LDB2: variants seen among roughly 807,000 people sequenced by gnomAD.
LDB2 encodes the protein LIM domain binding 2, also known as LIM domain-binding protein 2.
A neutral mutation model predicts 44.3 loss-of-function variants in LDB2; 12 were observed. The observed-to-expected ratio is 0.27, with a 90% CI of 0.17 to 0.44. The LOEUF is 0.44. Among genes scored for constraint, LDB2 ranks in the 20% least tolerant of loss-of-function variants. The probability of loss-of-function intolerance (pLI) is 1.00; values close to 1 mark genes in which losing one functional copy is unlikely to be tolerated. For missense variants in LDB2, 344 were observed against 473.5 expected, an observed-to-expected ratio of 0.73 and a Z score of 2.54; for synonymous variants, 164 against 174.8, an observed-to-expected ratio of 0.94 and a Z score of 0.49.
intron 2 of LDB2, among the ~76,000 whole-genome samples, chr4:16,731,484 T>C (rs1760746335): frequency 6.6e-6 from 1 of 152,136 alleles, no homozygotes. Flanking sequence ...CCAGACAGCA[T>C]GCACGTGTGT....
At chr4:16,653,152 A>T (rs1160382897) in intron 2 of LDB2, among the ~76,000 whole-genome samples, 2 of 152,088 alleles carry the variant, frequency 1.3e-5, no homozygotes, top group Non-Finnish European at 2.9e-5. Flanking sequence ...CAGCTGATAG[A>T]GCCACCGGGT....
intron 1 of LDB2, among the ~76,000 whole-genome samples, chr4:16,887,032 CAAAAAAAAA>C (rs371783496): frequency 4.0e-5 from 2 of 50,446 alleles, no homozygotes; most frequent in Non-Finnish European, 7.4e-5. Context: ...AACTCCGTCT[CAAAAAAAAA>C]AAAAAAAAAA....
chr4:16,862,898 C>A (rs1361978689), intron 1 of LDB2, among the ~76,000 whole-genome samples: 2 of 152,048 alleles, frequency 1.3e-5, no homozygotes, highest in Non-Finnish European at 2.9e-5. Flanking sequence ...GATGCCAAGC[C>A]CCTCAGAGAT....
intron 1 of LDB2, among the ~76,000 whole-genome samples, chr4:16,796,689 C>T (rs1219025531): frequency 6.6e-6 from 1 of 152,092 alleles, no homozygotes; most frequent in Non-Finnish European, 1.5e-5. Flanking sequence ...GGTGGAGAAA[C>T]CTGACAAATA....
chr4:16,639,726 T>C (rs1972464), intron 2 of LDB2, among the ~76,000 whole-genome samples: 102,898 of 152,198 alleles, frequency 0.68, 35,022 homozygotes, highest in Middle Eastern at 0.83. Flanking sequence ...TCCCAAAGTG[T>C]TGGGATTACA....
chr4:16,713,092 G>T (rs1756290777), intron 2 of LDB2, among the ~76,000 whole-genome samples: 1 of 152,142 alleles, frequency 6.6e-6, no homozygotes, highest in Non-Finnish European at 1.5e-5. Flanking sequence ...AGTAAAAGAA[G>T]CCAGAAACAC....
intron 1 of LDB2, among the ~76,000 whole-genome samples, chr4:16,788,255 G>C (rs1309610189): frequency 6.6e-6 from 1 of 152,230 alleles, no homozygotes. Context: ...GCTCTCCACA[G>C]GGCAAGGTAT....
In LDB2 at chr4:16,898,543, A is replaced by G. The variant is rs1725972187; in HGVS notation, c.-58T>C. ...AGTATCAGTAACGTCCATGCAGAGC[A>G]CATGGGCTGTGTTCTTCCCAGTACA... On this transcript the variant is annotated 5_prime_UTR_variant, in exon 1 of 8. Transcript: ENST00000304523. 5 of 1,585,570 alleles carry G rather than the reference A, an allele frequency of 3.2e-6. No homozygotes were observed. In the South Asian group the frequency reaches 4.5e-5, roughly 14 times the overall value.
chr4:16,648,729 T>C (rs921601133), intron 2 of LDB2, among the ~76,000 whole-genome samples: 6 of 152,068 alleles, frequency 3.9e-5, no homozygotes, highest in Non-Finnish European at 1.5e-5. Flanking sequence ...CAACTTAACT[T>C]TTTTTTGCTC....
At chr4:16,878,779 C>T (rs999904059) in intron 1 of LDB2, among the ~76,000 whole-genome samples, 2 of 152,184 alleles carry the variant, frequency 1.3e-5, no homozygotes, top group African/African-American at 4.8e-5. Context: ...TTTTAAAATG[C>T]CATCTTGGCA....
chr4:16,707,569 C>T (rs989451005), intron 2 of LDB2, among the ~76,000 whole-genome samples: 1 of 152,174 alleles, frequency 6.6e-6, no homozygotes, highest in African/African-American at 2.4e-5. Context: ...ATGCAATCTT[C>T]TCTACCGGCT....
intron 5 of LDB2, among the ~76,000 whole-genome samples, chr4:16,558,711 G>T (rs1024450111): frequency 6.6e-6 from 1 of 151,820 alleles, no homozygotes; most frequent in South Asian, 2.1e-4. Context: ...TACAGAGAAC[G>T]CCACAAAGAT....
rs1560832057 is a variant in LDB2, at chr4:16,672,828, C to CT, written c.236-76954dup. On this transcript the variant is annotated intron_variant, in intron 2 of 7. Transcript: ENST00000304523. ...ACTGCTTGCGTGCCTGCCTGCCTGC[C>CT]TTCTTTCCTTCCTTCCTTCCTTCCT... Among the ~76,000 whole-genome samples, 1,422 of 147,102 alleles carry CT rather than the reference C, an allele frequency of 9.7e-3. 22 individuals carry two copies. Among genetic ancestry groups the CT allele is most frequent in the South Asian group, 0.041 (188 of 4,564 alleles).
chr4:16,611,496 T>C (rs1725604603), intron 2 of LDB2, among the ~76,000 whole-genome samples: 1 of 143,754 alleles, frequency 7.0e-6, no homozygotes, highest in Admixed American at 7.0e-5. Context: ...ACACGCAGGC[T>C]CAAAATGAAG....
intron 1 of LDB2, among the ~76,000 whole-genome samples, chr4:16,764,814 A>G (rs995526045): frequency 6.6e-6 from 1 of 152,224 alleles, no homozygotes; most frequent in Non-Finnish European, 1.5e-5. Context: ...GGCCAAGTTC[A>G]GCAAGACGGC....
chr4:16,513,885 A>G (rs1200411697), intron 5 of LDB2, among the ~76,000 whole-genome samples: 2 of 152,230 alleles, frequency 1.3e-5, no homozygotes, highest in African/African-American at 2.4e-5. Flanking sequence ...AAAGGTAGAC[A>G]TAAAATCTAA....
intron 2 of LDB2, among the ~76,000 whole-genome samples, chr4:16,717,037 T>A (rs1757197443): frequency 6.6e-6 from 1 of 151,996 alleles, no homozygotes; most frequent in Non-Finnish European, 1.5e-5. Flanking sequence ...CTTTAATATA[T>A]TAGCTGTTTC....
chr4:16,712,322 G>A (rs1364946649), intron 2 of LDB2, among the ~76,000 whole-genome samples: 1 of 152,164 alleles, frequency 6.6e-6, no homozygotes, highest in African/African-American at 2.4e-5. Context: ...GAGAGGCTGA[G>A]GCGGGTGGAT....
At position 16,898,409 on chromosome 4, in the gene LDB2, A is replaced by G. The variant is rs1360152835; in HGVS notation, c.77T>C (p.Val26Ala). 6.2e-7 allele frequency: 1 copy of G among 1,613,798 alleles called. No homozygotes were observed. The highest frequency in any genetic ancestry group is 1.1e-5 in the South Asian group (1 of 91,066). ...PFYRRHTPYM[V>A]QPEYRIYEMN... is the part of the protein sequence containing the mutation. ...CTCATAGATTCGGTACTCTGGCTGT[A>G]CCATGTATGGTGTATGCCTCCTATA... The change falls in exon 1 of 8, where the codon GTA becomes GCA. Residue 26 changes from valine (V) to alanine (A), a missense_variant. Coordinates refer to ENST00000304523, the MANE Select transcript of LDB2 (RefSeq NM_001290.5).
Sources: allele counts gnomAD v4.1 joint callset (sites outside exome capture counted in the v4.1 genomes callset), GRCh38; gene constraint gnomAD v4.1.1; transcripts MANE v1.5; gene names NCBI Gene and HGNC (gene_info 2026-07-23, HGNC 2026-07-21).